AGBL4: variants seen among roughly 807,000 people sequenced by gnomAD.
AGBL4 encodes the protein AGBL carboxypeptidase 4.
In AGBL4, 58 loss-of-function variants were observed where a neutral mutation model predicts 66.4. The observed-to-expected ratio is 0.87, with a 90% CI of 0.71 to 1.09. AGBL4 has a LOEUF of 1.09. Ranked by LOEUF, AGBL4 falls within the 50% of genes least tolerant of loss-of-function variation. The probability of loss-of-function intolerance (pLI) is 0.00; values close to 1 mark genes in which losing one functional copy is unlikely to be tolerated. For synonymous variants in AGBL4, 234 were observed against 222.9 expected, an observed-to-expected ratio of 1.05 and a Z score of -0.44; for missense variants, 579 against 631.0, an observed-to-expected ratio of 0.92 and a Z score of 0.88.
intron 1 of AGBL4, among the ~76,000 whole-genome samples, chr1:49,932,025 G>C (rs1384999528): frequency 3.3e-5 from 5 of 152,104 alleles, no homozygotes; most frequent in South Asian, 2.1e-4. Context: ...TGGGTTGGCA[G>C]ATTAATAATG....
At chr1:48,646,088 A>T (rs1411253725) in intron 8 of AGBL4, among the ~76,000 whole-genome samples, 1 of 152,184 alleles carries the variant, frequency 6.6e-6, no homozygotes. Flanking sequence ...CCTGAAAACA[A>T]AGTGCTGTCT....
At chr1:49,811,650 T>C (rs1024293240) in intron 2 of AGBL4, among the ~76,000 whole-genome samples, 6 of 152,116 alleles carry the variant, frequency 3.9e-5, no homozygotes, top group Admixed American at 2.0e-4. Flanking sequence ...AGATGGGGTG[T>C]CGCTATGTTG....
chr1:48,664,277 G>A (rs1438757307), intron 6 of AGBL4, among the ~76,000 whole-genome samples: 2 of 152,170 alleles, frequency 1.3e-5, no homozygotes, highest in African/African-American at 4.8e-5. Context: ...TGTTGGATGT[G>A]CATACATAGG....
At chr1:49,180,987 A>C (rs1040400359) in intron 4 of AGBL4, among the ~76,000 whole-genome samples, 12 of 150,714 alleles carry the variant, frequency 8.0e-5, no homozygotes, top group Non-Finnish European at 1.8e-4. Context: ...GCTTGGAAAA[A>C]CCTCTCCTCA....
At chr1:49,439,003 T>C (rs1645966328) in intron 3 of AGBL4, among the ~76,000 whole-genome samples, 1 of 152,154 alleles carries the variant, frequency 6.6e-6, no homozygotes, top group South Asian at 2.1e-4. Context: ...GCCTAATCAT[T>C]TCTTAAAGAT....
chr1:48,614,054 T>C (rs930115443), intron 9 of AGBL4, among the ~76,000 whole-genome samples: 1 of 152,120 alleles, frequency 6.6e-6, no homozygotes, highest in Non-Finnish European at 1.5e-5. Flanking sequence ...AAACCAGGTG[T>C]CAAAGGTTTA....
intron 4 of AGBL4, among the ~76,000 whole-genome samples, chr1:49,191,556 T>C (rs1297587571): frequency 2.6e-5 from 4 of 152,182 alleles, no homozygotes; most frequent in Non-Finnish European, 5.9e-5. Context: ...AATGATCCCA[T>C]CACCCATGTC....
intron 3 of AGBL4, among the ~76,000 whole-genome samples, chr1:49,680,259 C>A (rs1030262151): frequency 6.6e-6 from 1 of 151,772 alleles, no homozygotes; most frequent in Non-Finnish European, 1.5e-5. Flanking sequence ...CCATGTTGTC[C>A]GGGATGGTCT....
At chr1:48,783,244 A>G (rs1434830132) in intron 6 of AGBL4, among the ~76,000 whole-genome samples, 1 of 152,168 alleles carries the variant, frequency 6.6e-6, no homozygotes, top group African/African-American at 2.4e-5. Flanking sequence ...TGTAGTGGGC[A>G]TTATCCTGAG....
chr1:49,442,900 G>A (rs974026006), intron 3 of AGBL4, among the ~76,000 whole-genome samples: 7 of 152,072 alleles, frequency 4.6e-5, no homozygotes, highest in Non-Finnish European at 7.4e-5. Context: ...TTCCCACCAC[G>A]TGTATAAAAG....
chr1:50,013,783 A>C (rs1661726677), intron 1 of AGBL4, among the ~76,000 whole-genome samples: 1 of 152,240 alleles, frequency 6.6e-6, no homozygotes, highest in African/African-American at 2.4e-5. Context: ...GGGTAGTTAC[A>C]TGACTGGAGA....
chr1:48,981,291 A>C (rs1453642230), intron 5 of AGBL4, among the ~76,000 whole-genome samples: 1 of 152,150 alleles, frequency 6.6e-6, no homozygotes, highest in African/African-American at 2.4e-5. Context: ...TCTGCACATG[A>C]TAGGGAATAT....
At chr1:49,793,315 T>C (rs968744790) in intron 2 of AGBL4, among the ~76,000 whole-genome samples, 7 of 152,024 alleles carry the variant, frequency 4.6e-5, no homozygotes, top group Non-Finnish European at 1.0e-4. Context: ...CAGAATAGCA[T>C]AGTGGGTGCT....
chr1:48,576,887 T>C (rs1160432985), intron 11 of AGBL4, among the ~76,000 whole-genome samples: 1 of 152,196 alleles, frequency 6.6e-6, no homozygotes. Context: ...TCAAACTTAA[T>C]AGTGTCAGTT....
chr1:48,816,045 T>TTGTGTGTG (rs59041939), intron 6 of AGBL4, among the ~76,000 whole-genome samples: 14 of 144,304 alleles, frequency 9.7e-5, no homozygotes, highest in African/African-American at 3.1e-4. Flanking sequence ...AGGAACTGTT[T>TTGTGTGTG]TGTGTGTGTG....
intron 5 of AGBL4, among the ~76,000 whole-genome samples, chr1:48,937,606 T>G (rs1245108918): frequency 6.6e-6 from 1 of 151,966 alleles, no homozygotes; most frequent in African/African-American, 2.4e-5. Context: ...TTTGAAAGTG[T>G]TTTTTTTCCT....
At chr1:49,128,174 G>A (rs1352549942) in intron 4 of AGBL4, among the ~76,000 whole-genome samples, 1 of 151,952 alleles carries the variant, frequency 6.6e-6, no homozygotes, top group African/African-American at 2.4e-5. Flanking sequence ...GAACATCTGA[G>A]AGGAAAAATT....
At chr1:49,937,309 A>G (rs995679624) in intron 1 of AGBL4, among the ~76,000 whole-genome samples, 8 of 152,146 alleles carry the variant, frequency 5.3e-5, no homozygotes, top group Non-Finnish European at 1.0e-4. Context: ...ATATATATGC[A>G]CCCAATACAG....
chr1:49,237,477 T>C (rs1303954901), intron 4 of AGBL4, among the ~76,000 whole-genome samples: 2 of 121,224 alleles, frequency 1.6e-5, no homozygotes, highest in Non-Finnish European at 3.5e-5. Context: ...AACAGACTAA[T>C]AGAGTCACTC....
Sources: gnomAD v4.1 joint callset for allele counts (sites outside exome capture counted in the v4.1 genomes callset) on GRCh38, gnomAD v4.1.1 for gene constraint, MANE v1.5 for transcripts, NCBI Gene and HGNC (gene_info 2026-07-23, HGNC 2026-07-21) for gene names.